RALGAPA1: variants seen among roughly 807,000 people sequenced by gnomAD.
RALGAPA1 encodes ral GTPase-activating protein subunit alpha-1.
Under a neutral mutation model 269.6 loss-of-function variants are expected in RALGAPA1, and 52 were observed. The observed-to-expected ratio is 0.19, with a 90% CI of 0.15 to 0.24. The LOEUF is 0.24. RALGAPA1 is among the 10% of genes least tolerant of loss of function. The probability of loss-of-function intolerance (pLI) is 1.00; values close to 1 mark genes in which losing one functional copy is unlikely to be tolerated. For missense variants in RALGAPA1, 1,917 were observed against 3,013.9 expected, an observed-to-expected ratio of 0.64 and a Z score of 8.52; for synonymous variants, 817 against 1,008.3, an observed-to-expected ratio of 0.81 and a Z score of 3.60.
chr14:35,683,879 A>G lies in RALGAPA1; in HGVS notation c.4401T>C (p.Thr1467=). The change falls in exon 21 of 42, where the codon ACT becomes ACC. Residue 1467 remains threonine, a synonymous_variant. Transcript: ENST00000680220. ...AEEQEVASLT[T]LHIDSETSSL... ...TGCTTGTTTCAGAATCTATATGAAG[A>G]GTAGTTAGACTAGCCACTTCCTGCT... is the stretch of plus-strand genomic sequence containing the variant. 2 of 1,612,530 alleles carry G rather than the reference A, an allele frequency of 1.2e-6. No individual in the cohort carries two copies. Among genetic ancestry groups the G allele is most frequent in the Non-Finnish European group, 1.7e-6 (2 of 1,178,856 alleles).
intron 27 of RALGAPA1, among the ~76,000 whole-genome samples, chr14:35,663,542 T>C (rs1020468280): frequency 6.6e-6 from 1 of 151,880 alleles, no homozygotes; most frequent in African/African-American, 2.4e-5. Flanking sequence ...CATCTGGCAA[T>C]TACTGTGACA....
At chr14:35,725,853 C>G (rs754751750) in intron 13 of RALGAPA1, among the ~76,000 whole-genome samples, 11 of 152,120 alleles carry the variant, frequency 7.2e-5, no homozygotes, top group Non-Finnish European at 1.0e-4. Flanking sequence ...TTGTTTCTTT[C>G]CACTCTTTTC....
intron 7 of RALGAPA1, among the ~76,000 whole-genome samples, chr14:35,752,664 A>G (rs1037968681): frequency 2.0e-5 from 3 of 152,090 alleles, no homozygotes; most frequent in African/African-American, 7.2e-5. Context: ...GTGAGGACAG[A>G]AAGAGATACA....
intron 10 of RALGAPA1, among the ~76,000 whole-genome samples, chr14:35,747,905 T>C (rs1378930134): frequency 1.3e-5 from 2 of 152,114 alleles, no homozygotes; most frequent in Non-Finnish European, 2.9e-5. Context: ...CCCTTTTTTT[T>C]TTCTATACTT....
At chr14:35,749,648 C>T (rs1415355912) in intron 9 of RALGAPA1, among the ~76,000 whole-genome samples, 1 of 152,034 alleles carries the variant, frequency 6.6e-6, no homozygotes, top group African/African-American at 2.4e-5. Context: ...GATAGTTCTG[C>T]TTGAGAATTT....
At chr14:35,739,139 G>A (rs2071321154) in intron 11 of RALGAPA1, among the ~76,000 whole-genome samples, 1 of 152,090 alleles carries the variant, frequency 6.6e-6, no homozygotes, top group South Asian at 2.1e-4. Flanking sequence ...ACAGCTTTCT[G>A]CCTGCATTTT....
Position 35,654,373 on chromosome 14 carries a change from A to T in RALGAPA1, c.5601T>A (p.Ile1867=). The change falls in exon 30 of 42, where the codon ATT becomes ATA. Residue 1867 remains isoleucine, a synonymous_variant. Coordinates refer to ENST00000680220, the MANE Select transcript of RALGAPA1 (RefSeq NM_001346249.2). ...TAAATGAGAAATTACTTACTTGAAT[A>T]ATTTTCAAGGGAGAATCAGGCTGGT... ...QIYQPDSPLK[I]IQILIATITH... is the part of the protein sequence containing the mutation. 2 of 1,584,642 alleles carry T rather than the reference A, an allele frequency of 1.3e-6. No individual in the cohort carries two copies. The highest frequency in any genetic ancestry group is 1.7e-6 in the Non-Finnish European group (2 of 1,171,430).
intron 29 of RALGAPA1, 108 bp from the exon 30 acceptor site, chr14:35,654,585 T>C: frequency 1.6e-6 from 2 of 1,288,478 alleles, no homozygotes; most frequent in African/African-American, 1.5e-5. Context: ...TTATAAATCC[T>C]ACATTTATAG....
chr14:35,598,449 C>T (rs1304700604), intron 36 of RALGAPA1, among the ~76,000 whole-genome samples: 5 of 150,454 alleles, frequency 3.3e-5, no homozygotes, highest in Admixed American at 2.0e-4. Context: ...GATGGAGTCT[C>T]GCTCTTGTCA....
chr14:35,712,572 A>G (rs999027397), intron 16 of RALGAPA1, among the ~76,000 whole-genome samples: 3 of 152,126 alleles, frequency 2.0e-5, no homozygotes, highest in Non-Finnish European at 4.4e-5. Context: ...GCAGTGGTGC[A>G]ATCATAGCTC....
rs182581611 is a variant in RALGAPA1 at position 35,735,643 on chromosome 14, A to G, written c.1587+2870T>C. On this transcript the variant is annotated intron_variant, in intron 12 of 41. Coordinates refer to ENST00000680220, the MANE Select transcript of RALGAPA1 (RefSeq NM_001346249.2). ...CAGGTGATGGGTGCACCAAAATCTCATATCACCACTAAAGAACTTACTCAT... is the reference window on the plus strand; with the variant it reads ...CAGGTGATGGGTGCACCAAAATCTCGTATCACCACTAAAGAACTTACTCAT... 3.1e-4 allele frequency among the ~76,000 whole-genome samples: 47 copies of G among 152,226 alleles called. No individual in the cohort carries two copies. The East Asian group carries it at 7.3e-3, about 24-fold the overall frequency.
intron 28 of RALGAPA1, among the ~76,000 whole-genome samples, chr14:35,656,837 AT>A (rs1566935504): frequency 6.6e-6 from 1 of 152,024 alleles, no homozygotes; most frequent in Non-Finnish European, 1.5e-5. Flanking sequence ...TTTTTTCCCT[AT>A]TGTTGTTCAC....
intron 22 of RALGAPA1, 70 bp from the exon 23 acceptor site, chr14:35,674,779 G>T: frequency 1.5e-6 from 1 of 653,238 alleles, no homozygotes; most frequent in Non-Finnish European, 2.5e-6. Context: ...AAGAAACCAA[G>T]CTAAATTAAC....
At position 35,601,687 on chromosome 14, in the gene RALGAPA1, C is replaced by T. The variant is rs182699405; in HGVS notation, c.7053+3899G>A. On this transcript the variant is annotated intron_variant, in intron 36 of 41. Transcript: ENST00000680220. ...AAAAGAAAACCCAGAAAATGCGCCA[C>T]TATGTCATTCTTCCGTCCTAAAGTC... Among the ~76,000 whole-genome samples the T allele has an allele frequency of 8.1e-3, 1,237 of 152,270 alleles. 55 individuals carry two copies. Among genetic ancestry groups the T allele is most frequent in the Admixed American group, 0.073 (1,120 of 15,286 alleles).
At chr14:35,582,680 T>C (rs79862362) in intron 37 of RALGAPA1, among the ~76,000 whole-genome samples, 7,788 of 152,198 alleles carry the variant, frequency 0.051, 583 homozygotes, top group African/African-American at 0.16. Context: ...GTCCTCACAG[T>C]GAATAATAGA....
intron 27 of RALGAPA1, among the ~76,000 whole-genome samples, chr14:35,662,750 A>G (rs574749956): frequency 6.6e-6 from 1 of 152,276 alleles, no homozygotes; most frequent in African/African-American, 2.4e-5. Context: ...AATAAAAGAA[A>G]CCATAGCTGC....
Position 35,686,476 on chromosome 14 carries a change from A to G in RALGAPA1, c.4077+66T>C, listed in dbSNP as rs1215615445. 3.2e-6 allele frequency: 4 copies of G among 1,257,602 alleles called. No individual in the cohort carries two copies. The African/African-American group carries it at 4.6e-5, about 14-fold the overall frequency. The allele number at this position is 1,257,602 out of a possible 1,614,324, so 77.9% of individuals were successfully genotyped here. ...CATATATAAATTGACATATATGTAC[A>G]TAGGTATATATCTGTTAGTTTTTCT... On this transcript the variant is annotated intron_variant, in intron 19 of 41. Transcript: ENST00000680220.
chr14:35,597,012 C>T (rs1299843563), intron 36 of RALGAPA1, among the ~76,000 whole-genome samples: 1 of 152,022 alleles, frequency 6.6e-6, no homozygotes, highest in Non-Finnish European at 1.5e-5. Context: ...TTTTTGGTTC[C>T]TGGCTTCACA....
At chr14:35,671,941 A>G (rs2064484825) in intron 25 of RALGAPA1, among the ~76,000 whole-genome samples, 1 of 152,176 alleles carries the variant, frequency 6.6e-6, no homozygotes, top group Non-Finnish European at 1.5e-5. Context: ...TTTAAAATAA[A>G]CTGAAGTCCT....
Sources: allele counts gnomAD v4.1 joint callset (sites outside exome capture counted in the v4.1 genomes callset), GRCh38; gene constraint gnomAD v4.1.1; transcripts MANE v1.5; gene names NCBI Gene and HGNC (gene_info 2026-07-23, HGNC 2026-07-21).